The following THADA variants were observed in gnomAD, a reference collection of about 807,000 sequenced individuals.
THADA encodes tRNA (32-2'-O)-methyltransferase regulator THADA.
THADA carries 213 observed loss-of-function variants against 219.8 expected under a neutral mutation model. The observed-to-expected ratio is 0.97, with a 90% CI of 0.87 to 1.09. THADA has a LOEUF of 1.09. THADA is among the 50% of genes least tolerant of loss of function. The pLI is 0.00. For missense variants in THADA, 2,956 were observed against 2,311.3 expected, an observed-to-expected ratio of 1.28 and a Z score of -5.72; for synonymous variants, 1,018 against 828.9, an observed-to-expected ratio of 1.23 and a Z score of -3.92.
intron 36 of THADA, among the ~76,000 whole-genome samples, chr2:43,267,522 G>T (rs1324896054): frequency 2.0e-5 from 3 of 152,192 alleles, no homozygotes; most frequent in African/African-American, 7.2e-5. Context: ...TGTCCATTTA[G>T]CTCAACACAC....
intron 28 of THADA, among the ~76,000 whole-genome samples, chr2:43,404,874 G>T (rs1282779006): frequency 6.6e-6 from 1 of 152,116 alleles, no homozygotes; most frequent in African/African-American, 2.4e-5. Flanking sequence ...CATTTCATAG[G>T]GCTGTTGTGA....
intron 29 of THADA, among the ~76,000 whole-genome samples, chr2:43,349,644 G>A (rs1039670071): frequency 1.6e-4 from 24 of 152,052 alleles, no homozygotes; most frequent in African/African-American, 5.3e-4. Flanking sequence ...AAACCAGCAG[G>A]ATCCAGCAAT....
At chr2:43,378,630 G>C (rs1461335196) in intron 29 of THADA, among the ~76,000 whole-genome samples, 1 of 152,112 alleles carries the variant, frequency 6.6e-6, no homozygotes, top group Non-Finnish European at 1.5e-5. Flanking sequence ...TTTTGAGATG[G>C]AGTCTTGCTT....
intron 31 of THADA, 40 bp downstream of exon 31, chr2:43,320,406 G>A (rs1483613011): frequency 6.7e-7 from 1 of 1,495,214 alleles, no homozygotes; most frequent in African/African-American, 1.4e-5. Flanking sequence ...TTTCAAAGAT[G>A]TGTAACGATT....
chr2:43,565,032 C>T lies in THADA; in HGVS notation c.2311+1666G>A, dbSNP rs566762622. On this transcript the variant is annotated intron_variant, in intron 15 of 37. Transcript: ENST00000405975. Reference sequence around the variant, plus strand: ...ATTGGCAAAATTTAAATATGGATTGCGTATTCAATTAAAGCATTGTATCAA... The same window carrying T: ...ATTGGCAAAATTTAAATATGGATTGTGTATTCAATTAAAGCATTGTATCAA... 8 of 152,100 alleles carry T rather than the reference C, an allele frequency of 5.3e-5. No homozygotes were observed. The South Asian group carries it at 1.7e-3, about 32-fold the overall frequency. 9.4% of individuals were successfully genotyped at this position (152,100 alleles called of 1,614,324 possible).
rs571206184 is a variant in THADA at position 43,284,374 on chromosome 2, T to A, written c.5164+2534A>T. ...ACACAGCACGCTGTGTCCCAGCTGC[T>A]CTAGCTCCAGCTGTGACTAAAAGGG... On this transcript the variant is annotated intron_variant, in intron 35 of 37. Transcript: ENST00000405975. Among the ~76,000 whole-genome samples, 5 of 152,268 alleles carry A rather than the reference T, an allele frequency of 3.3e-5. No homozygotes were observed. The South Asian group carries it at 1.0e-3, about 32-fold the overall frequency.
intron 22 of THADA, among the ~76,000 whole-genome samples, chr2:43,512,368 C>T (rs1307209724): frequency 6.6e-6 from 1 of 152,354 alleles, no homozygotes; most frequent in South Asian, 2.1e-4. Flanking sequence ...GCACCTCTCC[C>T]AGGCAAGTCC....
intron 25 of THADA, among the ~76,000 whole-genome samples, chr2:43,498,508 C>T (rs2105059948): frequency 6.6e-6 from 1 of 151,996 alleles, no homozygotes; most frequent in Admixed American, 6.5e-5. Flanking sequence ...AACAGAAGTG[C>T]ACTATTATTA....
At chr2:43,591,012 G>A in intron 3 of THADA, 58 bp from the exon 4 acceptor site, 1 of 1,515,510 alleles carries the variant, frequency 6.6e-7, no homozygotes, top group Non-Finnish European at 9.1e-7. Flanking sequence ...AAGTAACATG[G>A]TTACAGATAC....
chr2:43,430,362 C>G (rs907526270), intron 26 of THADA, 60 bp from the exon 27 acceptor site: 32 of 944,964 alleles, frequency 3.4e-5, no homozygotes, highest in East Asian at 8.0e-5. Context: ...GACAATAAAG[C>G]CTTTTTTTTA....
intron 36 of THADA, among the ~76,000 whole-genome samples, chr2:43,259,964 G>A (rs1393673930): frequency 6.6e-6 from 1 of 152,126 alleles, no homozygotes; most frequent in African/African-American, 2.4e-5. Context: ...TTCCTTCACA[G>A]CTCTCACCCC....
At chr2:43,374,625 G>C (rs1671169277) in intron 29 of THADA, among the ~76,000 whole-genome samples, 1 of 151,966 alleles carries the variant, frequency 6.6e-6, no homozygotes, top group Admixed American at 6.6e-5. Flanking sequence ...TCTATACGAA[G>C]GAACCTTTAA....
chr2:43,486,951 G>C (rs370550028), intron 25 of THADA, among the ~76,000 whole-genome samples: 3 of 152,294 alleles, frequency 2.0e-5, no homozygotes, highest in East Asian at 3.9e-4. Flanking sequence ...ACTGACTCAA[G>C]TCATGCATGG....
intron 25 of THADA, among the ~76,000 whole-genome samples, chr2:43,490,682 G>A (rs1350621308): frequency 6.6e-6 from 1 of 152,082 alleles, no homozygotes; most frequent in Admixed American, 6.6e-5. Flanking sequence ...GTACACTAAC[G>A]TATTTTGAGA....
chr2:43,296,633 C>G (rs1159820003), intron 31 of THADA, among the ~76,000 whole-genome samples: 2 of 152,182 alleles, frequency 1.3e-5, no homozygotes, highest in African/African-American at 4.8e-5. Flanking sequence ...TCTTCAACCT[C>G]TGTGTCATCT....
At chr2:43,361,875 A>T (rs1300637697) in intron 29 of THADA, among the ~76,000 whole-genome samples, 1 of 152,192 alleles carries the variant, frequency 6.6e-6, no homozygotes, top group Non-Finnish European at 1.5e-5. Context: ...TCTTAGAAAA[A>T]AATAATCTGG....
intron 36 of THADA, among the ~76,000 whole-genome samples, chr2:43,268,233 T>A (rs1340277316): frequency 2.0e-5 from 3 of 152,224 alleles, no homozygotes; most frequent in Non-Finnish European, 4.4e-5. Flanking sequence ...CTCATCATGA[T>A]GCATCAGTGA....
At chr2:43,290,022 C>T (rs1461220144) in intron 34 of THADA, among the ~76,000 whole-genome samples, 1 of 134,506 alleles carries the variant, frequency 7.4e-6, no homozygotes, top group Admixed American at 8.4e-5. Context: ...GTTGCTCAGG[C>T]TGGAGTGCAG....
chr2:43,397,976 G>A lies in THADA; in HGVS notation c.4222C>T (p.Leu1408Phe), dbSNP rs546423687. The change falls in exon 29 of 38, where the codon CTC becomes TTC. Residue 1408 changes from leucine (L) to phenylalanine (F), a missense_variant. Coordinates refer to ENST00000405975, the MANE Select transcript of THADA (RefSeq NM_022065.5). The part of the protein sequence containing the change: ...FRQNHIHGTL[L>F]QVFHLLQAYS... ...CACAAAGCAACTTTACTTACCTGGA[G>A]AAGTGTCCCATGAATGTGGTTTTGC... 6.2e-7 allele frequency: 1 copy of A among 1,613,864 alleles called. No homozygotes were observed. Among genetic ancestry groups the A allele is most frequent in the Admixed American group, 1.7e-5 (1 of 60,022 alleles).
Sources: gnomAD v4.1 joint callset for allele counts (sites outside exome capture counted in the v4.1 genomes callset) on GRCh38, gnomAD v4.1.1 for gene constraint, MANE v1.5 for transcripts, NCBI Gene and HGNC (gene_info 2026-07-23, HGNC 2026-07-21) for gene names.